Variants in CSMD1 observed in about 807,000 individuals in gnomAD.
CSMD1 encodes the protein CUB and sushi domain-containing protein 1.
A neutral mutation model predicts 417.5 loss-of-function variants in CSMD1; 213 were observed. The observed-to-expected ratio is 0.51, with a 90% CI of 0.46 to 0.57. The LOEUF is 0.57. Among genes scored for constraint, CSMD1 ranks in the 20% least tolerant of loss-of-function variants. CSMD1 has a pLI of 0.00. For missense variants in CSMD1, 6,923 were observed against 4,529.7 expected (o/e 1.53, Z -15.17); for synonymous variants, 2,862 against 1,736.8 (o/e 1.65, Z -16.11).
Position 4,925,172 on chromosome 8 carries a change from A to G in CSMD1, c.85+69160T>C, listed in dbSNP as rs536987527. Among the ~76,000 whole-genome samples the G allele has an allele frequency of 3.6e-5, 5 of 140,434 alleles. No individual in the cohort carries two copies. The South Asian group carries it at 1.2e-3, about 34-fold the overall frequency. 92.1% of individuals were successfully genotyped at this position (140,434 alleles called of 152,430 possible). A position where few individuals can be genotyped will look rare whatever the true frequency, so the allele number is the denominator to read the frequency against. On this transcript the variant is annotated intron_variant, in intron 1 of 69. Coordinates refer to ENST00000635120, the MANE Select transcript of CSMD1 (RefSeq NM_033225.6). ...AGACACAAGGAAGGACAACATCACTATGGTTAATCAGAGAATAAAACATGG... is the reference window on the plus strand; with the variant it reads ...AGACACAAGGAAGGACAACATCACTGTGGTTAATCAGAGAATAAAACATGG...
chr8:3,019,957 G>T (rs1002311615), intron 51 of CSMD1, among the ~76,000 whole-genome samples: 14 of 152,228 alleles, frequency 9.2e-5, no homozygotes, highest in Non-Finnish European at 1.8e-4. Flanking sequence ...AAGAGTGCTA[G>T]GTGAGCACTG....
At chr8:4,411,863 T>A (rs963447095) in intron 3 of CSMD1, among the ~76,000 whole-genome samples, 1 of 151,996 alleles carries the variant, frequency 6.6e-6, no homozygotes, top group South Asian at 2.1e-4. Context: ...TTATGTTGCA[T>A]TTTTTTTCAC....
chr8:3,154,258 C>G (rs565861167), intron 39 of CSMD1, among the ~76,000 whole-genome samples: 1 of 152,326 alleles, frequency 6.6e-6, no homozygotes, highest in Non-Finnish European at 1.5e-5. Flanking sequence ...CAGGCCTGAG[C>G]CACTGTGCCC....
rs1481626112 is a variant in CSMD1 at position 4,637,536 on chromosome 8, G to A, written c.108C>T (p.Val36=). ...TCTCAATAGTGCCATTGGGACCCTG[G>A]ACTAAGCCTCCACAGTTCTGACCTG... The part of the protein sequence containing the change: ...AAKGQNCGGL[V]QGPNGTIESP... The change falls in exon 2 of 70, where the codon GTC becomes GTT. Residue 36 remains valine, a synonymous_variant. Transcript: ENST00000635120. 6.2e-7 allele frequency: 1 copy of A among 1,612,860 alleles called. No homozygotes were observed. Among genetic ancestry groups the A allele is most frequent in the South Asian group, 1.1e-5 (1 of 91,058 alleles).
intron 12 of CSMD1, among the ~76,000 whole-genome samples, chr8:3,441,413 A>C (rs1355211532): frequency 6.6e-6 from 1 of 151,958 alleles, no homozygotes. Flanking sequence ...TAATTTAATA[A>C]ATGACATTGA....
At position 4,144,238 on chromosome 8, in the gene CSMD1, G is replaced by C. The variant is rs1385728123; in HGVS notation, c.416-112139C>G. On this transcript the variant is annotated intron_variant, in intron 3 of 69. Coordinates refer to ENST00000635120, the MANE Select transcript of CSMD1 (RefSeq NM_033225.6). Reference sequence around the variant, plus strand: ...TTCTTCCTTGATTCAGCACAAACTGGCCGTAAGTTCCCTGCCTCAAGACCT... The same window carrying C: ...TTCTTCCTTGATTCAGCACAAACTGCCCGTAAGTTCCCTGCCTCAAGACCT... Among the ~76,000 whole-genome samples, 6 of 150,870 alleles carry C rather than the reference G, an allele frequency of 4.0e-5. No homozygotes were observed. The East Asian group carries it at 9.6e-4, about 24-fold the overall frequency.
At chr8:4,750,124 G>C (rs1811213346) in intron 1 of CSMD1, among the ~76,000 whole-genome samples, 2 of 152,156 alleles carry the variant, frequency 1.3e-5, no homozygotes, top group Non-Finnish European at 2.9e-5. Context: ...TCCTGCCTCA[G>C]CCTCCCGAGT....
intron 49 of CSMD1, among the ~76,000 whole-genome samples, chr8:3,054,775 C>G (rs4604460): frequency 1.3e-5 from 2 of 151,914 alleles, no homozygotes; most frequent in Non-Finnish European, 2.9e-5. Context: ...AGAAGGAAAA[C>G]GAAAAACCAC....
intron 1 of CSMD1, among the ~76,000 whole-genome samples, chr8:4,773,039 C>G (rs1354209698): frequency 6.6e-6 from 1 of 152,114 alleles, no homozygotes; most frequent in Non-Finnish European, 1.5e-5. Flanking sequence ...GGTTGAATAT[C>G]TCTTATCTGA....
chr8:3,981,539 T>G (rs1353657633), intron 5 of CSMD1, among the ~76,000 whole-genome samples: 1 of 150,660 alleles, frequency 6.6e-6, no homozygotes, highest in African/African-American at 2.4e-5. Flanking sequence ...CATACAATTG[T>G]GTTTACCTAA....
chr8:4,276,701 A>C (rs1289294379), intron 3 of CSMD1, among the ~76,000 whole-genome samples: 2 of 152,200 alleles, frequency 1.3e-5, no homozygotes, highest in Non-Finnish European at 2.9e-5. Flanking sequence ...CTTTAGTTCC[A>C]GTGGGATCCC....
In CSMD1 at chr8:2,951,277, T is replaced by C; in HGVS notation, c.10040-2A>G. ...TGACGAAAAAGACATCTGAAGGAAC[T>C]GTGGGAAGGGGGGAAACAGACCAAT... On this transcript the variant is annotated splice_acceptor_variant, in intron 65 of 69. Transcript: ENST00000635120. LOFTEE classifies it high-confidence loss of function. The C allele has an allele frequency of 6.2e-7, 1 of 1,600,078 alleles. No individual in the cohort carries two copies.
intron 2 of CSMD1, among the ~76,000 whole-genome samples, chr8:4,486,412 G>A (rs1801421322): frequency 6.7e-6 from 1 of 150,264 alleles, no homozygotes; most frequent in African/African-American, 2.4e-5. Context: ...ATCATAACAT[G>A]ATTTATATTT....
chr8:4,839,298 C>G (rs770203632), intron 1 of CSMD1, among the ~76,000 whole-genome samples: 64 of 152,148 alleles, frequency 4.2e-4, no homozygotes, highest in Non-Finnish European at 7.5e-4. Context: ...TTGTTTATAG[C>G]AGACAGAAGG....
At position 4,680,975 on chromosome 8, in the gene CSMD1, T is replaced by TGTGTGTGTGAGA. The variant is rs767579851; in HGVS notation, c.86-43418_86-43417insTCTCACACACAC. ...ATGTGTGTGTGTGTGTGTGTGTGTG[T>TGTGTGTGTGAGA]GAGAGAGAGAGAGAGAGAGAGAGAG... On this transcript the variant is annotated intron_variant, in intron 1 of 69. Coordinates refer to ENST00000635120, the MANE Select transcript of CSMD1 (RefSeq NM_033225.6). Among the ~76,000 whole-genome samples the TGTGTGTGTGAGA allele has an allele frequency of 3.0e-3, 407 of 136,754 alleles. 1 individual carries two copies. The highest frequency in any genetic ancestry group is 0.01 in the African/African-American group (373 of 36,018). 89.7% of individuals were successfully genotyped at this position (136,754 alleles called of 152,430 possible).
At chr8:3,440,602 G>T (rs999816615) in intron 12 of CSMD1, among the ~76,000 whole-genome samples, 4 of 152,058 alleles carry the variant, frequency 2.6e-5, no homozygotes, top group African/African-American at 9.7e-5. Flanking sequence ...GTAGAGTCAG[G>T]TTTACTGTTT....
chr8:4,290,170 G>A (rs185552128), intron 3 of CSMD1, among the ~76,000 whole-genome samples: 1 of 152,186 alleles, frequency 6.6e-6, no homozygotes, highest in African/African-American at 2.4e-5. Context: ...GTAAAGCAGA[G>A]TTGCGTGGAC....
chr8:4,420,377 T>A (rs1022822463), intron 2 of CSMD1, among the ~76,000 whole-genome samples: 3 of 151,994 alleles, frequency 2.0e-5, no homozygotes, highest in African/African-American at 2.4e-5. Context: ...CTTTTTTTTT[T>A]ATTTGAATTT....
At chr8:4,013,799 C>T (rs1267524837) in intron 4 of CSMD1, among the ~76,000 whole-genome samples, 3 of 152,166 alleles carry the variant, frequency 2.0e-5, no homozygotes, top group African/African-American at 4.8e-5. Flanking sequence ...TGAAACACAG[C>T]CAGTCTATCT....
Sources: gnomAD v4.1 joint callset for allele counts (sites outside exome capture counted in the v4.1 genomes callset) on GRCh38, gnomAD v4.1.1 for gene constraint, MANE v1.5 for transcripts, NCBI Gene and HGNC (gene_info 2026-07-23, HGNC 2026-07-21) for gene names.